Variants in SPOCK1 observed in about 807,000 individuals in gnomAD.
SPOCK1 encodes the protein SPARC (osteonectin), cwcv and kazal like domains proteoglycan 1, also known as testican-1.
A neutral mutation model predicts 55.3 loss-of-function variants in SPOCK1; 23 were observed. That is an observed-to-expected ratio of 0.42 (90% CI 0.30 to 0.59). SPOCK1 has a LOEUF of 0.59. Among genes scored for constraint, SPOCK1 ranks in the 20% least tolerant of loss-of-function variants. The pLI is 0.22. For synonymous variants in SPOCK1, 226 were observed against 221.0 expected, an observed-to-expected ratio of 1.02 and a Z score of -0.20; for missense variants, 499 against 552.5, an observed-to-expected ratio of 0.90 and a Z score of 0.97.
intron 3 of SPOCK1, among the ~76,000 whole-genome samples, chr5:137,255,628 G>C (rs1463359393): frequency 1.1e-4 from 17 of 152,204 alleles, no homozygotes; most frequent in Admixed American, 1.0e-3. Context: ...GACAGTTCAA[G>C]TAAGTTCCTG....
chr5:137,165,874 GA>G (rs886401397), intron 3 of SPOCK1, among the ~76,000 whole-genome samples: 14 of 149,726 alleles, frequency 9.4e-5, no homozygotes, highest in African/African-American at 2.7e-4. Context: ...AAACACATAA[GA>G]AAAAAAATTA....
At chr5:137,222,822 G>A (rs1246479349) in intron 3 of SPOCK1, among the ~76,000 whole-genome samples, 4 of 152,170 alleles carry the variant, frequency 2.6e-5, no homozygotes, top group Non-Finnish European at 5.9e-5. Context: ...TGTCCCTCAA[G>A]GGAGTGAAAA....
chr5:136,994,347 G>A (rs1042835660), intron 6 of SPOCK1, among the ~76,000 whole-genome samples: 1 of 152,158 alleles, frequency 6.6e-6, no homozygotes, highest in Non-Finnish European at 1.5e-5. Flanking sequence ...AGTCGCGCTG[G>A]CTGGAATGAA....
At chr5:137,237,502 C>T (rs1004268199) in intron 3 of SPOCK1, among the ~76,000 whole-genome samples, 1 of 152,226 alleles carries the variant, frequency 6.6e-6, no homozygotes, top group African/African-American at 2.4e-5. Context: ...GTAAATGATG[C>T]TTTACTGACG....
chr5:137,082,101 C>T (rs1752885777), intron 5 of SPOCK1, among the ~76,000 whole-genome samples: 1 of 152,234 alleles, frequency 6.6e-6, no homozygotes, highest in African/African-American at 2.4e-5. Context: ...GCTCCCACCA[C>T]TTGCTCCATG....
At chr5:136,999,503 A>C (rs1481105507) in intron 6 of SPOCK1, among the ~76,000 whole-genome samples, 1 of 152,146 alleles carries the variant, frequency 6.6e-6, no homozygotes, top group African/African-American at 2.4e-5. Flanking sequence ...GGAGCTAGGA[A>C]ATCCAAGCGT....
chr5:137,228,681 A>G (rs1412827281), intron 3 of SPOCK1, among the ~76,000 whole-genome samples: 1 of 152,058 alleles, frequency 6.6e-6, no homozygotes, highest in African/African-American at 2.4e-5. Context: ...AAACCTAATC[A>G]TCTTCTCAAA....
intron 2 of SPOCK1, among the ~76,000 whole-genome samples, chr5:137,351,515 CAAGGAGT>C (rs1029744000): frequency 4.6e-5 from 7 of 152,172 alleles, no homozygotes; most frequent in African/African-American, 1.7e-4. Flanking sequence ...AGACAGAACC[CAAGGAGT>C]ATTGCATTCT....
chr5:137,321,148 A>G (rs570525149), intron 2 of SPOCK1, among the ~76,000 whole-genome samples: 1 of 151,962 alleles, frequency 6.6e-6, no homozygotes, highest in Admixed American at 6.5e-5. Context: ...GAATCAGCAC[A>G]CTCAGAGACA....
chr5:137,136,198 G>A (rs566847854), intron 4 of SPOCK1, among the ~76,000 whole-genome samples: 9 of 152,026 alleles, frequency 5.9e-5, no homozygotes, highest in African/African-American at 2.2e-4. Context: ...TGTTTTCTTC[G>A]AAGCCTTCTT....
At chr5:137,187,650 A>G (rs1755101166) in intron 3 of SPOCK1, among the ~76,000 whole-genome samples, 1 of 152,196 alleles carries the variant, frequency 6.6e-6, no homozygotes. Flanking sequence ...TGTGCTGGGC[A>G]CTATGGACAC....
chr5:137,449,751 C>T (rs1753209590), intron 2 of SPOCK1, among the ~76,000 whole-genome samples: 1 of 147,796 alleles, frequency 6.8e-6, no homozygotes, highest in South Asian at 2.1e-4. Flanking sequence ...ATAAAATAGC[C>T]AGGTGTAGTG....
chr5:137,207,347 C>CA lies in SPOCK1; in HGVS notation c.232+59662dup, dbSNP rs1289810237. Among the ~76,000 whole-genome samples the CA allele has an allele frequency of 2.6e-4, 39 of 152,378 alleles. 2 individuals are homozygous for CA. Among genetic ancestry groups the CA allele is most frequent in the Admixed American group, 2.2e-3 (34 of 15,306 alleles). ...TTCTAAGTTGGAACCAACACACAAGCACCTGCATTCTCTTGATTTAGTATT... is the reference window on the plus strand; with the variant it reads ...TTCTAAGTTGGAACCAACACACAAGCAACCTGCATTCTCTTGATTTAGTATT... On this transcript the variant is annotated intron_variant, in intron 3 of 10. Coordinates refer to ENST00000394945, the MANE Select transcript of SPOCK1 (RefSeq NM_004598.4).
intron 3 of SPOCK1, among the ~76,000 whole-genome samples, chr5:137,254,489 T>C (rs1756597093): frequency 6.6e-6 from 1 of 152,236 alleles, no homozygotes; most frequent in Non-Finnish European, 1.5e-5. Flanking sequence ...CTGAGAATTT[T>C]ATAATGACAA....
intron 5 of SPOCK1, among the ~76,000 whole-genome samples, chr5:137,109,511 T>C (rs1181190230): frequency 1.3e-5 from 2 of 152,174 alleles, no homozygotes; most frequent in South Asian, 2.1e-4. Context: ...GAGCAGCCAC[T>C]ATAAACGGTC....
chr5:136,980,173 T>C (rs1240755695), intron 9 of SPOCK1, among the ~76,000 whole-genome samples: 6 of 99,350 alleles, frequency 6.0e-5, no homozygotes, highest in African/African-American at 1.9e-4. Context: ...TATCTCCCTG[T>C]TTGCAGGCAA....
At chr5:137,401,755 T>C (rs1385742252) in intron 2 of SPOCK1, among the ~76,000 whole-genome samples, 1 of 151,446 alleles carries the variant, frequency 6.6e-6, no homozygotes, top group African/African-American at 2.4e-5. Flanking sequence ...AAAAGAAAGG[T>C]TGGGAAATGG....
At chr5:137,287,348 C>A (rs1197801029) in intron 2 of SPOCK1, among the ~76,000 whole-genome samples, 1 of 152,172 alleles carries the variant, frequency 6.6e-6, no homozygotes, top group Non-Finnish European at 1.5e-5. Context: ...CAAACACCAC[C>A]AGAAGCGCCT....
intron 2 of SPOCK1, among the ~76,000 whole-genome samples, chr5:137,422,950 C>T (rs1752533325): frequency 6.6e-6 from 1 of 152,136 alleles, no homozygotes; most frequent in Non-Finnish European, 1.5e-5. Flanking sequence ...TGGTGACGTA[C>T]AGATGGGGTT....
Sources: allele counts gnomAD v4.1 joint callset (sites outside exome capture counted in the v4.1 genomes callset), GRCh38; gene constraint gnomAD v4.1.1; transcripts MANE v1.5; gene names NCBI Gene and HGNC (gene_info 2026-07-23, HGNC 2026-07-21).